NPRL2: variants seen among roughly 807,000 people sequenced by gnomAD.
NPRL2 encodes the protein NPR2 like, GATOR1 complex subunit.
Under a neutral mutation model 51.1 loss-of-function variants are expected in NPRL2, and 21 were observed. The observed-to-expected ratio is 0.41, with a 90% CI of 0.29 to 0.59. The LOEUF (loss-of-function observed/expected upper bound fraction) is 0.59. Among genes scored for constraint, NPRL2 ranks in the 20% least tolerant of loss-of-function variants. NPRL2 has a pLI of 0.29. For missense variants in NPRL2, 376 were observed against 483.4 expected (o/e 0.78, Z 2.08); for synonymous variants, 175 against 187.8 (o/e 0.93, Z 0.56).
At position 50,350,210 on chromosome 3, in the gene NPRL2, C is replaced by T. The variant is rs1011545539; in HGVS notation, c.79-188G>A. On this transcript the variant is annotated intron_variant, in intron 1 of 10. Coordinates refer to ENST00000232501, the MANE Select transcript of NPRL2 (RefSeq NM_006545.5). This position sits in a 1 kb window ranked among gnomAD's most constrained non-coding sequence, Gnocchi z 5.7. Reference sequence around the variant, plus strand: ...TATGATCTCACCTCCTTCCTGGCTTCTGCATATGCTGTTCCCTCTACCTGG... The same window carrying T: ...TATGATCTCACCTCCTTCCTGGCTTTTGCATATGCTGTTCCCTCTACCTGG... 5 of 606,418 alleles carry T rather than the reference C, an allele frequency of 8.2e-6. No homozygotes were observed. Among genetic ancestry groups the T allele is most frequent in the Non-Finnish European group, 1.5e-5 (5 of 342,202 alleles). The allele number at this position is 606,418 out of a possible 1,614,324, so 37.6% of individuals were successfully genotyped here.
In NPRL2 at chr3:50,349,651, A is replaced by T; in HGVS notation, c.339+14T>A. ...TCTGCCTGTCGGTAAACCCAAGCCCATCTCATTGCAGACCTCTAGTGTGGT... is the reference window on the plus strand; with the variant it reads ...TCTGCCTGTCGGTAAACCCAAGCCCTTCTCATTGCAGACCTCTAGTGTGGT... On this transcript the variant is annotated intron_variant, in intron 3 of 10. Coordinates refer to ENST00000232501, the MANE Select transcript of NPRL2 (RefSeq NM_006545.5). This position sits in a 1 kb window ranked among gnomAD's most constrained non-coding sequence, Gnocchi z 4.6. 1 of 1,605,234 alleles carries T rather than the reference A, an allele frequency of 6.2e-7. No homozygotes were observed. Among genetic ancestry groups the T allele is most frequent in the Non-Finnish European group, 8.5e-7 (1 of 1,173,240 alleles).
Position 50,349,166 on chromosome 3 carries a change from G to T in NPRL2, c.449-156C>A, listed in dbSNP as rs1703662405. 1 of 993,160 alleles carries T rather than the reference G, an allele frequency of 1.0e-6. No individual in the cohort carries two copies. Among genetic ancestry groups the T allele is most frequent in the African/African-American group, 1.6e-5 (1 of 61,446 alleles). 61.5% of individuals were successfully genotyped at this position (993,160 alleles called of 1,614,324 possible). ...AGTGAGAAACGGAGGCCCACAAAGG[G>T]GAAGGAATTGCCCAAGGGGCAGAGC... On this transcript the variant is annotated intron_variant, in intron 4 of 10. Transcript: ENST00000232501. The surrounding 1 kb of genome is among the most constrained non-coding windows in gnomAD (Gnocchi z 4.6).
chr3:50,349,110 C>T lies in NPRL2; in HGVS notation c.449-100G>A. 1 of 1,370,074 alleles carries T rather than the reference C, an allele frequency of 7.3e-7. No individual in the cohort carries two copies. The highest frequency in any genetic ancestry group is 2.3e-5 in the East Asian group (1 of 43,492). 84.9% of individuals were successfully genotyped at this position (1,370,074 alleles called of 1,614,324 possible). Reference sequence around the variant, plus strand: ...CATCCCTTGGGGCAAGCAGGTGCCTCTGGGTAGGGCTAATCTTTCTCTTTT... The same window carrying T: ...CATCCCTTGGGGCAAGCAGGTGCCTTTGGGTAGGGCTAATCTTTCTCTTTT... On this transcript the variant is annotated intron_variant, in intron 4 of 10. Transcript: ENST00000232501. The surrounding 1 kb of genome is among the most constrained non-coding windows in gnomAD (Gnocchi z 4.6).
rs1703677781 is a variant in NPRL2, at chr3:50,349,504, G to A, written c.340-10C>T. 2 of 1,613,224 alleles carry A rather than the reference G, an allele frequency of 1.2e-6. No homozygotes were observed. Among genetic ancestry groups the A allele is most frequent in the African/African-American group, 1.3e-5 (1 of 74,892 alleles). On this transcript the variant is annotated splice_polypyrimidine_tract_variant and intron_variant, in intron 3 of 10. Coordinates refer to ENST00000232501, the MANE Select transcript of NPRL2 (RefSeq NM_006545.5). This position sits in a 1 kb window ranked among gnomAD's most constrained non-coding sequence, Gnocchi z 4.6. ...CGAAGCTGCTCTCTAGCTAGACAGA[G>A]CATGGAAAGCATGGTGGGCACATCC...
rs1205976887 is a variant in NPRL2 at position 50,347,615 on chromosome 3, G to C, written c.1134C>G (p.Cys378Trp). 10 of 1,613,960 alleles carry C rather than the reference G, an allele frequency of 6.2e-6. No individual in the cohort carries two copies. Among genetic ancestry groups the C allele is most frequent in the Non-Finnish European group, 8.5e-6 (10 of 1,180,034 alleles). The change falls in exon 11 of 11, where the codon TGC (cysteine) becomes TGG (tryptophan). Residue 378 changes from cysteine (C) to tryptophan (W), a missense_variant. By Grantham distance (215) the Cys-to-Trp change is radical (BLOSUM62 -2). Transcript: ENST00000232501. ...CCAGTCACTACCAGCCTCACTTCCAGCAGATGATGATGTTGGGGTCATTTT... is the reference window on the plus strand; with the variant it reads ...CCAGTCACTACCAGCCTCACTTCCACCAGATGATGATGTTGGGGTCATTTT... Reference protein sequence around the residue: ...RLENDPNIIICWK With the variant: ...RLENDPNIIIWWK
Position 50,348,994 on chromosome 3 carries a change from G to T in NPRL2, c.465C>A (p.Ile155=), listed in dbSNP as rs750292947. The T allele has an allele frequency of 2.5e-6, 4 of 1,613,970 alleles. No homozygotes were observed. The South Asian group carries it at 4.4e-5, about 18-fold the overall frequency. ...CTLPIDESNT[I]HLKVIEQRPD... is the part of the protein sequence containing the mutation. Reference sequence around the variant, plus strand: ...GCCGCTGCTCAATCACCTTCAAGTGGATGGTGTTGGACTCATCTGCAGGGG... The same window carrying T: ...GCCGCTGCTCAATCACCTTCAAGTGTATGGTGTTGGACTCATCTGCAGGGG... Residue 155 remains isoleucine (I), a synonymous_variant, in exon 5 of 11, where the codon ATC becomes ATA. Transcript: ENST00000232501. The surrounding 1 kb of genome is among the most constrained non-coding windows in gnomAD (Gnocchi z 5.8).
At position 50,348,063 on chromosome 3, in the gene NPRL2, A is replaced by G. The variant is rs1409149802; in HGVS notation, c.932+61T>C. 58 of 1,595,986 alleles carry G rather than the reference A, an allele frequency of 3.6e-5. No individual in the cohort carries two copies. The East Asian group carries it at 8.1e-4, about 22-fold the overall frequency. ...CCCCATGATCCAGGGCTCCTGAGAG[A>G]CATAAAGGGTCTAGCTTCCCTCAGG... On this transcript the variant is annotated intron_variant, in intron 9 of 10. Transcript: ENST00000232501. The surrounding 1 kb of genome is among the most constrained non-coding windows in gnomAD (Gnocchi z 5.8).
At position 50,347,532 on chromosome 3, in the gene NPRL2, C is replaced by T. The variant is rs1370067288; in HGVS notation, c.*74G>A. On this transcript the variant is annotated 3_prime_UTR_variant, in exon 11 of 11. Transcript: ENST00000232501. ...TTTATTTACAGAACTAAGAGTCAAC[C>T]TCTAGACAGTATGACAAGCCTCCTA... is the stretch of plus-strand genomic sequence containing the variant. The T allele has an allele frequency of 1.8e-5, 28 of 1,567,236 alleles. No individual in the cohort carries two copies. The highest frequency in any genetic ancestry group is 1.9e-5 in the Non-Finnish European group (22 of 1,141,818).
rs1398338526 is a variant in NPRL2 at position 50,348,661 on chromosome 3, A to G, written c.683+24T>C. The G allele has an allele frequency of 6.2e-7, 1 of 1,613,994 alleles. No individual in the cohort carries two copies. Among genetic ancestry groups the G allele is most frequent in the East Asian group, 2.2e-5 (1 of 44,884 alleles). ...CTTCCCTGGCTGGTGACCTTGTCCC[A>G]GGTATGACTGTAGGCCCACTCACAG... On this transcript the variant is annotated intron_variant, in intron 6 of 10. Transcript: ENST00000232501. The surrounding 1 kb of genome is among the most constrained non-coding windows in gnomAD (Gnocchi z 5.8).
Position 50,348,043 on chromosome 3 carries a change from T to C in NPRL2, c.932+81A>G. Reference sequence around the variant, plus strand: ...GCCTGCTTGGATTGGCAGTGCCCCATGATCCAGGGCTCCTGAGAGACATAA... The same window carrying C: ...GCCTGCTTGGATTGGCAGTGCCCCACGATCCAGGGCTCCTGAGAGACATAA... On this transcript the variant is annotated intron_variant, in intron 9 of 10. Transcript: ENST00000232501. The surrounding 1 kb of genome is among the most constrained non-coding windows in gnomAD (Gnocchi z 5.8). The C allele has an allele frequency of 1.9e-6, 3 of 1,586,950 alleles. No homozygotes were observed. Among genetic ancestry groups the C allele is most frequent in the South Asian group, 1.1e-5 (1 of 89,968 alleles).
Position 50,347,626 on chromosome 3 carries a change from T to C in NPRL2, c.1123A>G (p.Ile375Val). ...CAGCCTCACTTCCAGCAGATGATGA[T>C]GTTGGGGTCATTTTCAAGCCGCTCA... ...LDERLENDPN[I>V]IICWK Residue 375 changes from isoleucine (I) to valine (V), a missense_variant, in exon 11 of 11, where the codon ATC becomes GTC. Ile to Val is a conservative substitution (Grantham distance 29). Transcript: ENST00000232501. The C allele has an allele frequency of 1.9e-6, 3 of 1,613,942 alleles. No homozygotes were observed. The highest frequency in any genetic ancestry group is 2.5e-6 in the Non-Finnish European group (3 of 1,179,974).
chr3:50,349,677 C>A lies in NPRL2; in HGVS notation c.327G>T (p.Leu109=). The change falls in exon 3 of 11, where the codon CTG becomes CTT. Residue 109 remains leucine, a synonymous_variant. Coordinates refer to ENST00000232501, the MANE Select transcript of NPRL2 (RefSeq NM_006545.5). The surrounding 1 kb of genome is among the most constrained non-coding windows in gnomAD (Gnocchi z 4.6). The part of the protein sequence containing the change: ...EPIVKKLAGY[L]TTLELESSFV... The stretch of plus-strand genomic sequence containing the variant: ...TCTCATTGCAGACCTCTAGTGTGGT[C>A]AGATAGCCAGCCAGCTTTTTAACAA... 1.2e-6 allele frequency: 2 copies of A among 1,612,474 alleles called. No individual in the cohort carries two copies. Among genetic ancestry groups the A allele is most frequent in the South Asian group, 2.2e-5 (2 of 90,930 alleles).
Position 50,347,358 on chromosome 3 carries a change from TAATTAACCGGCACTTTTA to T in NPRL2, c.*230_*247del. On this transcript the variant is annotated 3_prime_UTR_variant, in exon 11 of 11. Transcript: ENST00000232501. ...TTTTTTTTTTTTTTTTTTTTTTTTG[TAATTAACCGGCACTTTTA>T]TTTGTCGATTGTCGGTCCTGCCCAC... is the stretch of plus-strand genomic sequence containing the variant. 1 of 205,338 alleles carries T rather than the reference TAATTAACCGGCACTTTTA, an allele frequency of 4.9e-6. No individual in the cohort carries two copies. Among genetic ancestry groups the T allele is most frequent in the East Asian group, 8.8e-5 (1 of 11,412 alleles). The allele number at this position is 205,338 out of a possible 1,614,324, so 12.7% of individuals were successfully genotyped here. A position where few individuals can be genotyped will look rare whatever the true frequency, so the allele number is the denominator to read the frequency against.
rs1703685879 is a variant in NPRL2 at position 50,349,636 on chromosome 3, G to A, written c.339+29C>T. The A allele has an allele frequency of 8.7e-6, 14 of 1,602,610 alleles. No homozygotes were observed. Among genetic ancestry groups the A allele is most frequent in the South Asian group, 3.3e-5 (3 of 90,466 alleles). ...AACACCTTCCCCAACTCTGCCTGTC[G>A]GTAAACCCAAGCCCATCTCATTGCA... On this transcript the variant is annotated intron_variant, in intron 3 of 10. Transcript: ENST00000232501. The surrounding 1 kb of genome is among the most constrained non-coding windows in gnomAD (Gnocchi z 4.6).
Position 50,347,823 on chromosome 3 carries a change from C to T in NPRL2, c.1011G>A (p.Glu337=), listed in dbSNP as rs1703608701. 6.2e-7 allele frequency: 1 copy of T among 1,614,024 alleles called. No homozygotes were observed. Among genetic ancestry groups the T allele is most frequent in the Non-Finnish European group, 8.5e-7 (1 of 1,180,040 alleles). ...QKYPVRVTRE[E]QSHPARLYTG... The stretch of plus-strand genomic sequence containing the variant: ...TATAAAGCCGGGCAGGGTGGCTCTG[C>T]TCTTCCCGAGTCACCCGCACAGGAT... Residue 337 remains glutamate, a synonymous_variant, in exon 10 of 11, where the codon GAG becomes GAA. Coordinates refer to ENST00000232501, the MANE Select transcript of NPRL2 (RefSeq NM_006545.5).
rs754081618 is a variant in NPRL2, at chr3:50,347,778, G to A, written c.1056C>T (p.Asp352=). The change falls in exon 10 of 11, where the codon GAC becomes GAT. Residue 352 remains aspartate (D), a synonymous_variant. Coordinates refer to ENST00000232501, the MANE Select transcript of NPRL2 (RefSeq NM_006545.5). ...CTCCACCTGTCTTGCAGCAGATCTCGTCATAGCTGTGGCAGCCTGTATAAA... is the reference window on the plus strand; with the variant it reads ...CTCCACCTGTCTTGCAGCAGATCTCATCATAGCTGTGGCAGCCTGTATAAA... The part of the protein sequence containing the change: ...ARLYTGCHSY[D]EICCKTGMSY... The A allele has an allele frequency of 7.4e-6, 12 of 1,613,774 alleles. No individual in the cohort carries two copies. The highest frequency in any genetic ancestry group is 5.0e-5 in the Admixed American group (3 of 60,004).
At position 50,347,331 on chromosome 3, in the gene NPRL2, T is replaced by TTC. The variant is rs1703584455; in HGVS notation, c.*274_*275insGA. 1 of 137,990 alleles carries TTC rather than the reference T, an allele frequency of 7.2e-6. No homozygotes were observed. Among genetic ancestry groups the TTC allele is most frequent in the South Asian group, 1.5e-4 (1 of 6,878 alleles). The allele number at this position is 137,990 out of a possible 1,614,324, so 8.5% of individuals were successfully genotyped here. A position where few individuals can be genotyped will look rare whatever the true frequency, so the allele number is the denominator to read the frequency against. On this transcript the variant is annotated 3_prime_UTR_variant, in exon 11 of 11. Transcript: ENST00000232501. ...AGGTGAGTCACCGCATCAGGACGAT[T>TTC]TTTTTTTTTTTTTTTTTTTTTTTTT...
Position 50,350,113 on chromosome 3 carries a change from T to G in NPRL2, c.79-91A>C. Reference sequence around the variant, plus strand: ...CCTCCTCATGCCCCCCAAGCCCAAGTCCTCTTCTCCAGCGTTCCCCTCTCT... The same window carrying G: ...CCTCCTCATGCCCCCCAAGCCCAAGGCCTCTTCTCCAGCGTTCCCCTCTCT... On this transcript the variant is annotated intron_variant, in intron 1 of 10. Transcript: ENST00000232501. This position sits in a 1 kb window ranked among gnomAD's most constrained non-coding sequence, Gnocchi z 5.7. 2.0e-6 allele frequency: 2 copies of G among 1,018,410 alleles called. No homozygotes were observed. The highest frequency in any genetic ancestry group is 3.0e-6 in the Non-Finnish European group (2 of 659,382). 63.1% of individuals were successfully genotyped at this position (1,018,410 alleles called of 1,614,324 possible).
chr3:50,347,383 G>A lies in NPRL2; in HGVS notation c.*223C>T, dbSNP rs1045502398. The A allele has an allele frequency of 2.5e-5, 5 of 203,038 alleles. No individual in the cohort carries two copies. Among genetic ancestry groups the A allele is most frequent in the East Asian group, 9.1e-5 (1 of 11,006 alleles). The allele number at this position is 203,038 out of a possible 1,614,324, so 12.6% of individuals were successfully genotyped here. A position where few individuals can be genotyped will look rare whatever the true frequency, so the allele number is the denominator to read the frequency against. Reference sequence around the variant, plus strand: ...TAATTAACCGGCACTTTTATTTGTCGATTGTCGGTCCTGCCCACCAGATGG... The same window carrying A: ...TAATTAACCGGCACTTTTATTTGTCAATTGTCGGTCCTGCCCACCAGATGG... On this transcript the variant is annotated 3_prime_UTR_variant, in exon 11 of 11. Coordinates refer to ENST00000232501, the MANE Select transcript of NPRL2 (RefSeq NM_006545.5).
Sources: allele counts gnomAD v4.1 joint callset, GRCh38; gene constraint gnomAD v4.1.1; non-coding constraint Gnocchi (gnomAD v3.1); transcripts MANE v1.5; gene names NCBI Gene and HGNC (gene_info 2026-07-23, HGNC 2026-07-21).